Variants in TDRD15 observed in about 807,000 individuals in gnomAD.
The protein encoded by TDRD15 is tudor domain containing 15, also known as tudor domain-containing protein 15.
For synonymous variants in TDRD15, 503 were observed against 314.5 expected, an observed-to-expected ratio of 1.60 and a Z score of -6.34; for missense variants, 1,416 against 904.7, an observed-to-expected ratio of 1.57 and a Z score of -7.25.
intron 2 of TDRD15, among the ~76,000 whole-genome samples, chr2:21,131,035 C>A (rs1665709747): frequency 6.6e-6 from 1 of 152,162 alleles, no homozygotes; most frequent in African/African-American, 2.4e-5. Context: ...ACCAGTGTAG[C>A]AAACTGAGTC....
downstream of TDRD15, among the ~76,000 whole-genome samples, chr2:21,144,825 TGAAGAC>T: frequency 8.2e-6 from 1 of 122,682 alleles, no homozygotes; most frequent in South Asian, 2.7e-4. Flanking sequence ...AAAACAATAT[TGAAGAC>T]TGACTTATAT....
chr2:21,135,731 G>T (rs537269750), intron 3 of TDRD15, among the ~76,000 whole-genome samples: 1 of 152,080 alleles, frequency 6.6e-6, no homozygotes, highest in East Asian at 1.9e-4. Context: ...CCGGGTTGGG[G>T]TGTAATGCCT....
chr2:21,124,820 GT>G (rs1572292272), intron 1 of TDRD15, among the ~76,000 whole-genome samples: 8 of 17,028 alleles, frequency 4.7e-4, no homozygotes, highest in East Asian at 0.042. Flanking sequence ...ATGCCAGGGT[GT>G]GTGTGTGTGT....
chr2:21,124,697 G>A (rs1247692460), intron 1 of TDRD15, among the ~76,000 whole-genome samples: 3 of 143,104 alleles, frequency 2.1e-5, no homozygotes, highest in East Asian at 4.2e-4. Context: ...GCCAGGGTGC[G>A]TGTGTGTGTG....
At chr2:21,133,854 A>T (rs1665761435) in intron 2 of TDRD15, among the ~76,000 whole-genome samples, 2 of 152,066 alleles carry the variant, frequency 1.3e-5, no homozygotes, top group African/African-American at 4.8e-5. Flanking sequence ...CTAAGTGTAA[A>T]ATGTACACCA....
chr2:21,129,226 G>A (rs1269727247), intron 2 of TDRD15, among the ~76,000 whole-genome samples: 2 of 152,006 alleles, frequency 1.3e-5, no homozygotes, highest in African/African-American at 2.4e-5. Flanking sequence ...GTGTGGATGT[G>A]TTTTCAGTTT....
At chr2:21,131,991 G>A (rs1177628070) in intron 2 of TDRD15, among the ~76,000 whole-genome samples, 2 of 152,022 alleles carry the variant, frequency 1.3e-5, no homozygotes, top group African/African-American at 4.8e-5. Context: ...TAAGTTTGTG[G>A]GAGGTTACAG....
chr2:21,142,335 C>T lies in TDRD15; in HGVS notation c.4868C>T (p.Thr1623Ile). The change falls in exon 4 of 4, where the codon ACC becomes ATC. Residue 1623 changes from threonine (T) to isoleucine (I), a missense_variant. Transcript: ENST00000405799. Reference protein sequence around the residue: ...GIYEIVPVCNTKLLSNEIRNI... With the variant: ...GIYEIVPVCNIKLLSNEIRNI... The stretch of plus-strand genomic sequence containing the variant: ...TATGAAATAGTACCTGTATGTAATA[C>T]CAAGCTGCTTAGTAATGAAATAAGA... The T allele has an allele frequency of 1.5e-6, 1 of 688,112 alleles. No homozygotes were observed. Among genetic ancestry groups the T allele is most frequent in the Non-Finnish European group, 2.7e-6 (1 of 375,328 alleles). 42.6% of individuals were successfully genotyped at this position (688,112 alleles called of 1,614,324 possible).
intron 1 of TDRD15, among the ~76,000 whole-genome samples, chr2:21,125,442 G>T (rs147282058): frequency 6.6e-6 from 1 of 151,440 alleles, no homozygotes; most frequent in Non-Finnish European, 1.5e-5. Context: ...GTGTGTGTGT[G>T]TGTGTGTGAG....
Position 21,124,743 on chromosome 2 carries a change from C to CGTGT in TDRD15, c.-201+709_-201+712dup, listed in dbSNP as rs140124387. Among the ~76,000 whole-genome samples, 5 of 53,484 alleles carry CGTGT rather than the reference C, an allele frequency of 9.3e-5. No individual in the cohort carries two copies. In the South Asian group the frequency reaches 2.8e-3, roughly 30 times the overall value. 35.1% of individuals were successfully genotyped at this position (53,484 alleles called of 152,430 possible). On this transcript the variant is annotated intron_variant, in intron 1 of 3. Transcript: ENST00000405799. ...TGATCCTAATGCCAGGGTGTGTGTGCGTGTGTGTGTGTGTGACAGGGTGAT... is the reference window on the plus strand; with the variant it reads ...TGATCCTAATGCCAGGGTGTGTGTGCGTGTGTGTGTGTGTGTGTGACAGGGTGAT...
Position 21,140,084 on chromosome 2 carries a change from A to C in TDRD15, c.2617A>C (p.Ser873Arg), listed in dbSNP as rs1478705256. The C allele has an allele frequency of 1.4e-6, 1 of 716,150 alleles. No homozygotes were observed. Among genetic ancestry groups the C allele is most frequent in the Non-Finnish European group, 2.6e-6 (1 of 384,054 alleles). The allele number at this position is 716,150 out of a possible 1,614,324, so 44.4% of individuals were successfully genotyped here. The change falls in exon 4 of 4, where the codon AGT becomes CGT. Residue 873 changes from serine (S) to arginine (R), a missense_variant. Transcript: ENST00000405799. ...CCLNHFIEPV[S>R]CKLFSWTRKA... is the part of the protein sequence containing the mutation. Reference sequence around the variant, plus strand: ...TCTTAACCATTTTATTGAGCCTGTTAGTTGTAAATTATTCAGTTGGACAAG... The same window carrying C: ...TCTTAACCATTTTATTGAGCCTGTTCGTTGTAAATTATTCAGTTGGACAAG...
chr2:21,142,593 A>G lies in TDRD15; in HGVS notation c.5126A>G (p.Asn1709Ser), dbSNP rs752971053. ...NKLRLAEIVY[N>S]IESKTPVSSC... ...CTTAGACTTGCAGAAATTGTTTACA[A>G]CATTGAATCTAAGACTCCTGTATCA... Residue 1709 changes from asparagine (N) to serine (S), a missense_variant, in exon 4 of 4, where the codon AAC becomes AGC. By Grantham distance (46) the Asn-to-Ser change is conservative. Transcript: ENST00000405799. The G allele has an allele frequency of 4.2e-6, 3 of 711,970 alleles. No homozygotes were observed. In the South Asian group the frequency reaches 4.5e-5, roughly 11 times the overall value. The allele number at this position is 711,970 out of a possible 1,614,324, so 44.1% of individuals were successfully genotyped here. A position where few individuals can be genotyped will look rare whatever the true frequency, so the allele number is the denominator to read the frequency against.
chr2:21,144,598 G>A (rs1666003680), downstream of TDRD15, among the ~76,000 whole-genome samples: 1 of 151,724 alleles, frequency 6.6e-6, no homozygotes, highest in South Asian at 2.1e-4. Flanking sequence ...CATATTTTGA[G>A]TGCTTATTAT....
chr2:21,147,139 T>C (rs1295916986), downstream of TDRD15, among the ~76,000 whole-genome samples: 13 of 152,118 alleles, frequency 8.5e-5, no homozygotes, highest in Admixed American at 8.5e-4. Flanking sequence ...CTATATTTGT[T>C]TTGAAAGTAT....
intron 1 of TDRD15, among the ~76,000 whole-genome samples, chr2:21,125,338 G>A (rs1304248993): frequency 6.6e-6 from 1 of 151,442 alleles, no homozygotes; most frequent in Non-Finnish European, 1.5e-5. Flanking sequence ...TAATGCCATG[G>A]TGTGTGTTTG....
intron 3 of TDRD15, among the ~76,000 whole-genome samples, chr2:21,137,138 A>T (rs933895927): frequency 6.6e-6 from 1 of 152,050 alleles, no homozygotes; most frequent in South Asian, 2.1e-4. Context: ...ATTACACCAC[A>T]TCTGTCCAAT....
rs1355043756 is a variant in TDRD15, at chr2:21,139,649, A to G, written c.2182A>G (p.Ile728Val). 1 of 713,802 alleles carries G rather than the reference A, an allele frequency of 1.4e-6. No homozygotes were observed. The highest frequency in any genetic ancestry group is 2.6e-6 in the Non-Finnish European group (1 of 383,568). 44.2% of individuals were successfully genotyped at this position (713,802 alleles called of 1,614,324 possible). A position where few individuals can be genotyped will look rare whatever the true frequency, so the allele number is the denominator to read the frequency against. ...LSLPKSLAVN[I>V]SEFKNPFTLS... ...TTTGCCAAAGTCCCTAGCTGTTAAT[A>G]TCTCAGAATTTAAAAATCCTTTCAC... The change falls in exon 4 of 4, where the codon ATC becomes GTC. Residue 728 changes from isoleucine to valine, a missense_variant. Ile to Val is a conservative substitution (Grantham distance 29). Transcript: ENST00000405799.
chr2:21,136,067 T>C (rs2103441635), intron 3 of TDRD15, among the ~76,000 whole-genome samples: 1 of 152,156 alleles, frequency 6.6e-6, no homozygotes, highest in East Asian at 1.9e-4. Flanking sequence ...CATATGCCCA[T>C]GTGAATGATC....
In TDRD15 at chr2:21,142,649, C is replaced by T. The variant is rs546389823; in HGVS notation, c.5182C>T (p.Gln1728Ter). 4 of 712,096 alleles carry T rather than the reference C, an allele frequency of 5.6e-6. No homozygotes were observed. The highest frequency in any genetic ancestry group is 1.0e-5 in the Non-Finnish European group (4 of 382,760). 44.1% of individuals were successfully genotyped at this position (712,096 alleles called of 1,614,324 possible). Reference protein sequence around the residue: ...SCTIKSFTWVQFQNDRQYSGI... With the variant: ...SCTIKSFTWV ...CACAATAAAATCATTTACTTGGGTT[C>T]AATTCCAAAATGATAGGCAGTATTC... The change falls in exon 4 of 4, where the codon CAA becomes TAA. Residue 1728 changes from glutamine (Q) to a stop codon, truncating the protein, a stop_gained. Transcript: ENST00000405799. LOFTEE classifies it low-confidence loss of function (END_TRUNC).
Sources: gnomAD v4.1 joint callset for allele counts (sites outside exome capture counted in the v4.1 genomes callset) on GRCh38, gnomAD v4.1.1 for gene constraint, MANE v1.5 for transcripts, NCBI Gene and HGNC (gene_info 2026-07-23, HGNC 2026-07-21) for gene names.